TENM1: variants seen among roughly 807,000 people sequenced by gnomAD.
TENM1 encodes the protein teneurin transmembrane protein 1.
A neutral mutation model predicts 174.8 loss-of-function variants in TENM1; 35 were observed. The observed-to-expected ratio is 0.20, with a 90% CI of 0.15 to 0.27. The LOEUF (loss-of-function observed/expected upper bound fraction) is 0.27. Among genes scored for constraint, TENM1 ranks in the 10% least tolerant of loss-of-function variants. The pLI, the probability that TENM1 is intolerant of heterozygous loss-of-function variation, is 1.00. For missense variants in TENM1, 1,633 were observed against 2,130.1 expected (o/e 0.77, Z 4.59); for synonymous variants, 781 against 798.7 (o/e 0.98, Z 0.37).
chrX:124,420,281 C>G, intron 25 of TENM1, 30 bp downstream of exon 28: 1 of 1,172,341 alleles, frequency 8.5e-7, no homozygotes, highest in Non-Finnish European at 1.1e-6. Context: ...AAAAACCTAA[C>G]AAAGCCCATG....
the TENM1 span, among the ~76,000 whole-genome samples, chrX:125,135,934 C>T: frequency 0.23 from 25,379 of 110,580 alleles, 2,428 homozygotes; most frequent in Admixed American, 0.34. Context: ...TGGTTTAGAA[C>T]ATATGACAAT....
chrX:125,060,351 A>C, the TENM1 span, among the ~76,000 whole-genome samples: 2 of 110,658 alleles, frequency 1.8e-5, no homozygotes, highest in African/African-American at 3.3e-5. Flanking sequence ...CAAAGAGTTT[A>C]AGTGATGTGT....
chrX:124,472,330 T>TAAAAAAAAAAAAA (rs34695864), intron 22 of TENM1, among the ~76,000 whole-genome samples: 17 of 18,689 alleles, frequency 9.1e-4, no homozygotes, highest in African/African-American at 3.9e-3. Context: ...ATGCTTGACG[T>TAAAAAAAAAAAAA]AAAAAAAAAA....
intron 3 of TENM1, among the ~76,000 whole-genome samples, chrX:124,744,624 A>C (rs2148565129): frequency 8.9e-6 from 1 of 112,115 alleles, no homozygotes; most frequent in South Asian, 3.7e-4. Flanking sequence ...ATAAAAAAGT[A>C]ATGATCCTTT....
At chrX:124,768,316 T>C (rs879030905) in intron 3 of TENM1, among the ~76,000 whole-genome samples, 7 of 111,870 alleles carry the variant, frequency 6.3e-5, no homozygotes, top group South Asian at 3.7e-4. Context: ...GGGAGATAAG[T>C]ATTTTTTATT....
chrX:124,604,701 A>G (rs370020904), intron 11 of TENM1, among the ~76,000 whole-genome samples: 2 of 110,999 alleles, frequency 1.8e-5, no homozygotes, highest in African/African-American at 6.5e-5. Context: ...ATATAGTGTA[A>G]CTATTTGAAA....
chrX:124,832,772 G>A (rs756737170), intron 3 of TENM1, among the ~76,000 whole-genome samples: 1 of 111,505 alleles, frequency 9.0e-6, no homozygotes, highest in African/African-American at 3.3e-5. Context: ...ACGGGGTTTT[G>A]CCATATTGCC....
chrX:124,570,165 A>G (rs1205482670), intron 11 of TENM1, among the ~76,000 whole-genome samples: 1 of 111,747 alleles, frequency 8.9e-6, no homozygotes, highest in African/African-American at 3.2e-5. Context: ...TACAAGAAAA[A>G]GTGGAAACTG....
At chrX:124,688,265 C>CT (rs1455468495) in intron 5 of TENM1, among the ~76,000 whole-genome samples, 4 of 107,028 alleles carry the variant, frequency 3.7e-5, no homozygotes, top group Admixed American at 2.0e-4. Context: ...TTTCCCTTCC[C>CT]TTTTTTTTCT....
intron 1 of TENM1, among the ~76,000 whole-genome samples, chrX:124,901,496 A>T (rs2057663648): frequency 9.0e-6 from 1 of 111,036 alleles, no homozygotes; most frequent in Non-Finnish European, 1.9e-5. Flanking sequence ...TTTGTTTGAG[A>T]CAGGGTTTCA....
chrX:124,613,893 G>A (rs1485602320), intron 11 of TENM1, among the ~76,000 whole-genome samples: 1 of 111,344 alleles, frequency 9.0e-6, no homozygotes, highest in African/African-American at 3.3e-5. Context: ...AAGCTTATCT[G>A]GAGTTTGCAC....
chrX:125,153,081 C>T, the TENM1 span, among the ~76,000 whole-genome samples: 1 of 111,824 alleles, frequency 8.9e-6, no homozygotes, highest in Non-Finnish European at 1.9e-5. Flanking sequence ...CTAGTGCTTA[C>T]GGACTGCCAA....
the TENM1 span, among the ~76,000 whole-genome samples, chrX:125,121,879 C>T: frequency 7.9e-3 from 877 of 111,679 alleles, 6 homozygotes; most frequent in Admixed American, 0.013. Context: ...TTGAGACCAG[C>T]CTGGGCAACA....
At chrX:125,129,477 T>C in the TENM1 span, among the ~76,000 whole-genome samples, 1,426 of 111,656 alleles carry the variant, frequency 0.013, 26 homozygotes, top group African/African-American at 0.043. Context: ...AATTATACTC[T>C]TTATGTTATT....
At chrX:124,679,469 A>T (rs1391090900) in intron 5 of TENM1, among the ~76,000 whole-genome samples, 1 of 111,883 alleles carries the variant, frequency 8.9e-6, no homozygotes, top group Non-Finnish European at 1.9e-5. Flanking sequence ...CACCAGACCG[A>T]TACTTCAGTG....
At chrX:125,089,869 G>T in the TENM1 span, among the ~76,000 whole-genome samples, 1 of 111,529 alleles carries the variant, frequency 9.0e-6, no homozygotes, top group Non-Finnish European at 1.9e-5. Flanking sequence ...TTATATTCAT[G>T]CTTAAGAGGA....
exon 25 of TENM1, chrX:124,420,459 C>T (rs1254921297): frequency 4.1e-6 from 5 of 1,211,873 alleles, no homozygotes; most frequent in Non-Finnish European, 4.5e-6. Flanking sequence ...TATACTTGTC[C>T]GCCAGGCACC....
chrX:124,646,663 T>C (rs778644107), intron 9 of TENM1, 46 bp downstream of exon 12: 1 of 931,257 alleles, frequency 1.1e-6, no homozygotes, highest in African/African-American at 1.9e-5. Flanking sequence ...GGTTATGAAA[T>C]CACATCTATT....
At chrX:124,601,717 A>G (rs192370119) in intron 11 of TENM1, among the ~76,000 whole-genome samples, 39 of 110,174 alleles carry the variant, frequency 3.5e-4, no homozygotes, top group Admixed American at 2.0e-3. Flanking sequence ...TTTTTTTCCA[A>G]TAGGGCTTGG....
Sources: allele counts gnomAD v4.1 joint callset (sites outside exome capture counted in the v4.1 genomes callset), GRCh38; gene constraint gnomAD v4.1.1; transcripts MANE v1.5; gene names NCBI Gene and HGNC (gene_info 2026-07-23, HGNC 2026-07-21).